DIAPH3: variants seen among roughly 807,000 people sequenced by gnomAD.
The protein encoded by DIAPH3 is protein diaphanous homolog 3.
A neutral mutation model predicts 144.3 loss-of-function variants in DIAPH3; 117 were observed. The observed-to-expected ratio is 0.81, with a 90% CI of 0.70 to 0.95. DIAPH3 has a LOEUF of 0.95. DIAPH3 is among the 40% of genes least tolerant of loss of function. DIAPH3 has a pLI of 0.00. For synonymous variants in DIAPH3, 519 were observed against 488.9 expected, an observed-to-expected ratio of 1.06 and a Z score of -0.81; for missense variants, 1,421 against 1,412.7, an observed-to-expected ratio of 1.01 and a Z score of -0.09.
At chr13:59,996,439 G>A (rs1039630436) in intron 9 of DIAPH3, among the ~76,000 whole-genome samples, 1 of 152,008 alleles carries the variant, frequency 6.6e-6, no homozygotes, top group African/African-American at 2.4e-5. Context: ...TATCAAAAAG[G>A]GTCTTCTGTG....
intron 17 of DIAPH3, among the ~76,000 whole-genome samples, chr13:59,945,502 G>C (rs529730033): frequency 6.9e-4 from 105 of 152,124 alleles, no homozygotes; most frequent in African/African-American, 2.4e-3. Context: ...GATGGACCCA[G>C]TAACCAAAAC....
chr13:59,759,257 A>G (rs560604269), intron 27 of DIAPH3, among the ~76,000 whole-genome samples: 2 of 152,344 alleles, frequency 1.3e-5, no homozygotes, highest in African/African-American at 2.4e-5. Context: ...ATATGGGCCT[A>G]CAACACAAAA....
intron 5 of DIAPH3, among the ~76,000 whole-genome samples, chr13:60,016,991 T>C (rs1015357552): frequency 6.6e-6 from 1 of 152,174 alleles, no homozygotes; most frequent in Non-Finnish European, 1.5e-5. Context: ...GATAATAATC[T>C]GTCACCAAAA....
At chr13:60,138,783 AAG>A (rs1287379104) in intron 1 of DIAPH3, among the ~76,000 whole-genome samples, 9,822 of 125,550 alleles carry the variant, frequency 0.078, 610 homozygotes, top group African/African-American at 0.17. Context: ...GAAGGAGAAG[AAG>A]GGGAAGAGGG....
intron 27 of DIAPH3, among the ~76,000 whole-genome samples, chr13:59,758,519 A>T (rs1315987090): frequency 2.0e-5 from 3 of 152,190 alleles, no homozygotes; most frequent in Non-Finnish European, 4.4e-5. Context: ...CTGTGTTTCT[A>T]ATTAAATTCT....
chr13:60,043,389 C>G (rs955063657), intron 4 of DIAPH3, among the ~76,000 whole-genome samples: 1 of 152,282 alleles, frequency 6.6e-6, no homozygotes. Context: ...CTTGGCAGAA[C>G]AGATCAGGGA....
At chr13:59,772,099 G>T (rs73208930) in intron 27 of DIAPH3, among the ~76,000 whole-genome samples, 6,431 of 151,968 alleles carry the variant, frequency 0.042, 158 homozygotes, top group African/African-American at 0.049. Flanking sequence ...CAATCACATA[G>T]TTCAGTCGTA....
chr13:60,083,374 G>T (rs1455534315), intron 4 of DIAPH3, among the ~76,000 whole-genome samples: 1 of 151,948 alleles, frequency 6.6e-6, no homozygotes, highest in Non-Finnish European at 1.5e-5. Context: ...ATGTCTCTTT[G>T]TAAAAGTATC....
intron 2 of DIAPH3, among the ~76,000 whole-genome samples, chr13:60,125,536 C>T (rs184735496): frequency 2.0e-5 from 3 of 151,682 alleles, no homozygotes; most frequent in Admixed American, 6.6e-5. Flanking sequence ...TGAGCCACTA[C>T]ACTCAGCCCC....
At chr13:59,770,414 CT>C (rs1234251851) in intron 27 of DIAPH3, among the ~76,000 whole-genome samples, 2 of 152,078 alleles carry the variant, frequency 1.3e-5, no homozygotes, top group Admixed American at 1.3e-4. Context: ...TCCTTTATGC[CT>C]TGTCTCCACT....
intron 4 of DIAPH3, among the ~76,000 whole-genome samples, chr13:60,046,608 A>C (rs572487191): frequency 1.6e-4 from 24 of 152,330 alleles, no homozygotes. Context: ...TTGACCGAGC[A>C]ATCCCATTAC....
chr13:60,142,698 A>C (rs1034871544), intron 1 of DIAPH3, among the ~76,000 whole-genome samples: 2 of 152,122 alleles, frequency 1.3e-5, no homozygotes, highest in Non-Finnish European at 2.9e-5. Flanking sequence ...CCCTTCCTGC[A>C]GTTAATAATC....
At chr13:59,907,501 T>C (rs944198077) in intron 20 of DIAPH3, among the ~76,000 whole-genome samples, 1 of 152,162 alleles carries the variant, frequency 6.6e-6, no homozygotes, top group African/African-American at 2.4e-5. Context: ...CATATAAATA[T>C]ATGATCATCT....
intron 25 of DIAPH3, among the ~76,000 whole-genome samples, chr13:59,789,024 G>A (rs1183431642): frequency 1.3e-5 from 2 of 152,256 alleles, no homozygotes; most frequent in South Asian, 2.1e-4. Flanking sequence ...TTTAGAAACT[G>A]GCATTGACTC....
chr13:59,937,559 G>T (rs1337656818), intron 17 of DIAPH3, among the ~76,000 whole-genome samples: 3 of 152,048 alleles, frequency 2.0e-5, no homozygotes, highest in African/African-American at 7.2e-5. Context: ...TTAAATCATA[G>T]GCAGACCATC....
chr13:59,842,496 T>G (rs1036901016), intron 22 of DIAPH3, among the ~76,000 whole-genome samples: 1 of 152,130 alleles, frequency 6.6e-6, no homozygotes, highest in Non-Finnish European at 1.5e-5. Context: ...CTGGGTGTCC[T>G]ACAATTGGAG....
intron 4 of DIAPH3, chr13:60,044,121 T>C (rs1050898996): frequency 1.3e-5 from 2 of 152,184 alleles, no homozygotes; most frequent in African/African-American, 4.8e-5. Context: ...AGAAGGTATC[T>C]ATATAGCCTA....
chr13:59,687,622 A>G (rs1487978805), intron 27 of DIAPH3, among the ~76,000 whole-genome samples: 1 of 152,076 alleles, frequency 6.6e-6, no homozygotes, highest in Non-Finnish European at 1.5e-5. Flanking sequence ...AGTGTCTTGA[A>G]ATGATATATT....
At chr13:59,839,123 C>T in intron 23 of DIAPH3, 2 of 495,750 alleles carry the variant, frequency 4.0e-6, no homozygotes, top group Admixed American at 6.5e-5. Context: ...AATAAACAAA[C>T]AGACAGACAG....
Sources: allele counts gnomAD v4.1 joint callset (sites outside exome capture counted in the v4.1 genomes callset), GRCh38; gene constraint gnomAD v4.1.1; transcripts MANE v1.5; gene names NCBI Gene and HGNC (gene_info 2026-07-23, HGNC 2026-07-21).